Variants in PKHD1L1 observed in about 807,000 individuals in gnomAD.
The protein encoded by PKHD1L1 is fibrocystin-L.
A neutral mutation model predicts 462.9 loss-of-function variants in PKHD1L1; 434 were observed. That is an observed-to-expected ratio of 0.94 (90% CI 0.87 to 1.02). The LOEUF is 1.02. Among genes scored for constraint, PKHD1L1 ranks in the 50% least tolerant of loss-of-function variants. PKHD1L1 has a pLI of 0.00. For missense variants in PKHD1L1, 5,202 were observed against 5,096.1 expected, an observed-to-expected ratio of 1.02 and a Z score of -0.63; for synonymous variants, 1,781 against 1,750.0, an observed-to-expected ratio of 1.02 and a Z score of -0.44.
At chr8:109,438,788 C>A in intron 31 of PKHD1L1, 109 bp from the exon 32 acceptor site, 1 of 937,782 alleles carries the variant, frequency 1.1e-6, no homozygotes, top group East Asian at 2.7e-5. Flanking sequence ...GTTAGGATTT[C>A]CTAAATCCAA....
At chr8:109,511,509 A>T (rs1199624942) in intron 71 of PKHD1L1, among the ~76,000 whole-genome samples, 1 of 151,420 alleles carries the variant, frequency 6.6e-6, no homozygotes, top group Admixed American at 6.6e-5. Context: ...CCATGTCCCT[A>T]CAAAGGACAT....
intron 1 of PKHD1L1, 124 bp downstream of exon 1, chr8:109,362,777 A>C (rs371678904): frequency 1.9e-5 from 20 of 1,051,576 alleles, no homozygotes; most frequent in East Asian, 1.6e-4. Flanking sequence ...GTGCGGTTGC[A>C]TGACGATCCT....
chr8:109,458,373 T>A (rs1005670070), intron 46 of PKHD1L1, among the ~76,000 whole-genome samples: 3 of 151,214 alleles, frequency 2.0e-5, no homozygotes, highest in African/African-American at 2.4e-5. Context: ...TCCACTTTCT[T>A]CCCCCCACGA....
rs559522348 is a variant in PKHD1L1, at chr8:109,508,272, T to G, written c.11395+8T>G. On this transcript the variant is annotated splice_region_variant and intron_variant, in intron 70 of 77. Transcript: ENST00000378402. ...ATGTTGATCTTATTAATGGTAGGTA[T>G]TCAATATGAGTAAACTACAATTACT... The G allele has an allele frequency of 3.6e-5, 57 of 1,594,324 alleles. No individual in the cohort carries two copies. The East Asian group carries it at 1.3e-3, about 35-fold the overall frequency.
chr8:109,366,719 T>C (rs1811252789), intron 2 of PKHD1L1, among the ~76,000 whole-genome samples: 1 of 142,694 alleles, frequency 7.0e-6, no homozygotes, highest in Admixed American at 7.2e-5. Context: ...TGAGACGGAG[T>C]TTCACTCTTG....
chr8:109,372,082 A>T (rs1811541954), intron 2 of PKHD1L1, among the ~76,000 whole-genome samples: 1 of 152,124 alleles, frequency 6.6e-6, no homozygotes, highest in South Asian at 2.1e-4. Context: ...TGAATCTATA[A>T]ATTACCTTGG....
At chr8:109,464,088 A>C in intron 48 of PKHD1L1, 128 bp from the exon 49 acceptor site, 1 of 611,744 alleles carries the variant, frequency 1.6e-6, no homozygotes. Flanking sequence ...TTCAAATAAT[A>C]AACATGAAAA....
At chr8:109,526,718 T>A in intron 76 of PKHD1L1, 66 bp from the exon 77 acceptor site, 1 of 1,322,850 alleles carries the variant, frequency 7.6e-7, no homozygotes, top group Non-Finnish European at 1.0e-6. Flanking sequence ...GAAAATCAAA[T>A]GGGAACGGTA....
At chr8:109,495,418 T>C (rs1322203489) in intron 63 of PKHD1L1, among the ~76,000 whole-genome samples, 1 of 152,040 alleles carries the variant, frequency 6.6e-6, no homozygotes, top group Admixed American at 6.6e-5. Context: ...TCCTAAATAA[T>C]TGAGACTATT....
At position 109,464,722 on chromosome 8, in the gene PKHD1L1, T is replaced by C; in HGVS notation, c.7890T>C (p.Tyr2630=). ...GWFGMWIFEE[Y]FPMQTGSCTS... ...TTGGAATGTGGATCTTTGAGGAATA[T>C]TTCCCCATGCAAACGGGATCTTGTA... Residue 2630 remains tyrosine (Y), a synonymous_variant, in exon 49 of 78, where the codon TAT becomes TAC. Coordinates refer to ENST00000378402, the MANE Select transcript of PKHD1L1 (RefSeq NM_177531.6). The C allele has an allele frequency of 6.2e-7, 1 of 1,613,818 alleles. No homozygotes were observed. Among genetic ancestry groups the C allele is most frequent in the Non-Finnish European group, 8.5e-7 (1 of 1,179,802 alleles).
rs771466307 is a variant in PKHD1L1, at chr8:109,493,696, T to C, written c.10272T>C (p.Asn3424=). The stretch of plus-strand genomic sequence containing the variant: ...GGACCAATACAGTTTTACAGAATAA[T>C]GTAGTGGCTGGATTTGGAAGAGCAG... ...NRGTNTVLQN[N]VVAGFGRAGY... is the part of the protein sequence containing the mutation. The change falls in exon 63 of 78, where the codon AAT becomes AAC. Residue 3424 remains asparagine, a synonymous_variant. Transcript: ENST00000378402. 2 of 1,610,000 alleles carry C rather than the reference T, an allele frequency of 1.2e-6. No individual in the cohort carries two copies. The highest frequency in any genetic ancestry group is 1.7e-6 in the Non-Finnish European group (2 of 1,177,744).
intron 72 of PKHD1L1, among the ~76,000 whole-genome samples, chr8:109,515,699 A>G (rs1820234248): frequency 6.6e-6 from 1 of 152,180 alleles, no homozygotes; most frequent in African/African-American, 2.4e-5. Context: ...GGCAGTCATA[A>G]GAATTATTGC....
rs1387126431 is a variant in PKHD1L1, at chr8:109,522,203, G to A, written c.12049G>A (p.Glu4017Lys). 1 of 1,602,682 alleles carries A rather than the reference G, an allele frequency of 6.2e-7. No individual in the cohort carries two copies. The highest frequency in any genetic ancestry group is 8.5e-7 in the Non-Finnish European group (1 of 1,170,886). Reference sequence around the variant, plus strand: ...CCCCATAGGTCAGATGCAGTTATCTGAACTCCAGGAAATTGCTGGTTCTCT... The same window carrying A: ...CCCCATAGGTCAGATGCAGTTATCTAAACTCCAGGAAATTGCTGGTTCTCT... The part of the protein sequence containing the change: ...NGTTGQMQLS[E>K]LQEIAGSLGQ... Residue 4017 changes from glutamate (E) to lysine (K), a missense_variant, in exon 74 of 78, where the codon GAA (glutamate) becomes AAA (lysine). Around this residue, in one of 3 missense-constraint regions of PKHD1L1, gnomAD observed 698 missense variants for 736.3 expected, o/e 0.95. Transcript: ENST00000378402.
chr8:109,394,005 C>T (rs548075709), intron 9 of PKHD1L1, among the ~76,000 whole-genome samples: 6 of 151,700 alleles, frequency 4.0e-5, no homozygotes, highest in Non-Finnish European at 8.8e-5. Flanking sequence ...AACCCCGTCT[C>T]TACTAAAAAT....
At chr8:109,492,087 C>T (rs542684912) in intron 62 of PKHD1L1, 93 bp downstream of exon 62, 4 of 1,028,326 alleles carry the variant, frequency 3.9e-6, no homozygotes, top group East Asian at 5.9e-5. Flanking sequence ...GGAGTGAATG[C>T]ACTTTTAAAA....
intron 11 of PKHD1L1, 62 bp from the exon 12 acceptor site, chr8:109,398,397 A>T: frequency 9.6e-7 from 1 of 1,037,956 alleles, no homozygotes; most frequent in South Asian, 1.4e-5. Flanking sequence ...TTAAAGATAC[A>T]CTGATGTGAT....
At position 109,410,511 on chromosome 8, in the gene PKHD1L1, C is replaced by T. The variant is rs1417558657; in HGVS notation, c.2085+533C>T. 2.6e-5 allele frequency among the ~76,000 whole-genome samples: 4 copies of T among 151,784 alleles called. No homozygotes were observed. In the East Asian group the frequency reaches 7.8e-4, roughly 29 times the overall value. On this transcript the variant is annotated intron_variant, in intron 19 of 77. Coordinates refer to ENST00000378402, the MANE Select transcript of PKHD1L1 (RefSeq NM_177531.6). The stretch of plus-strand genomic sequence containing the variant: ...GCGGTGCCACCCACTTTTAAACAAC[C>T]AGACCTTGTGAAAACTCACTCACTA...
chr8:109,402,399 C>T (rs1003445872), intron 14 of PKHD1L1, among the ~76,000 whole-genome samples: 3 of 152,158 alleles, frequency 2.0e-5, no homozygotes, highest in Non-Finnish European at 2.9e-5. Context: ...TAGAATGCCT[C>T]ACTCCATGTC....
chr8:109,496,443 G>A (rs1270874803), intron 63 of PKHD1L1, among the ~76,000 whole-genome samples: 2 of 152,142 alleles, frequency 1.3e-5, no homozygotes, highest in Non-Finnish European at 2.9e-5. Flanking sequence ...GCTCTACCAA[G>A]TTTAGGCTTA....
Sources: allele counts gnomAD v4.1 joint callset (sites outside exome capture counted in the v4.1 genomes callset), GRCh38; gene constraint gnomAD v4.1.1; regional missense constraint gnomAD v4.1.1; transcripts MANE v1.5; gene names NCBI Gene and HGNC (gene_info 2026-07-23, HGNC 2026-07-21).